PIP5K1B: variants seen among roughly 807,000 people sequenced by gnomAD.
PIP5K1B encodes the protein phosphatidylinositol 4-phosphate 5-kinase type-1 beta.
A neutral mutation model predicts 67.0 loss-of-function variants in PIP5K1B; 42 were observed. The observed-to-expected ratio is 0.63, with a 90% CI of 0.49 to 0.81. PIP5K1B has a LOEUF of 0.81. Among genes scored for constraint, PIP5K1B ranks in the 30% least tolerant of loss-of-function variants. PIP5K1B has a pLI of 0.00. For missense variants in PIP5K1B, 459 were observed against 646.3 expected (o/e 0.71, Z 3.14); for synonymous variants, 214 against 231.4 (o/e 0.92, Z 0.68).
chr9:68,839,447 G>A lies in PIP5K1B; in HGVS notation c.69+16764G>A, dbSNP rs114917097. ...TACATCTCCTTTCGAGAAAACCTGA[G>A]TTGGTTTCCCTTTGGTGCAAAGGCA... On this transcript the variant is annotated intron_variant, in intron 4 of 15. Coordinates refer to ENST00000265382, the MANE Select transcript of PIP5K1B (RefSeq NM_003558.4). 8.4e-3 allele frequency among the ~76,000 whole-genome samples: 1,279 copies of A among 152,132 alleles called. 24 individuals carry two copies. The highest frequency in any genetic ancestry group is 0.029 in the African/African-American group (1,210 of 41,508).
chr9:68,993,246 C>T (rs1297914509), intron 15 of PIP5K1B, among the ~76,000 whole-genome samples: 1 of 152,164 alleles, frequency 6.6e-6, no homozygotes, highest in Non-Finnish European at 1.5e-5. Flanking sequence ...CTCCCTCTTC[C>T]TTGCTGATGC....
chr9:68,749,208 A>G (rs944009641), intron 2 of PIP5K1B, among the ~76,000 whole-genome samples: 2 of 152,244 alleles, frequency 1.3e-5, no homozygotes, highest in Non-Finnish European at 2.9e-5. Context: ...ACCCTGTATC[A>G]TTCAGGTGGG....
chr9:68,792,508 C>G (rs1160407257), intron 2 of PIP5K1B, among the ~76,000 whole-genome samples: 4 of 152,026 alleles, frequency 2.6e-5, no homozygotes, highest in Non-Finnish European at 5.9e-5. Context: ...GAGACAGAGT[C>G]TCGCTCTGTC....
intron 2 of PIP5K1B, among the ~76,000 whole-genome samples, chr9:68,786,628 G>GTT (rs146915349): frequency 5.4e-5 from 8 of 148,742 alleles, no homozygotes; most frequent in Admixed American, 6.7e-5. Context: ...ATACCAGGAA[G>GTT]TTTTTTTTTT....
intron 5 of PIP5K1B, among the ~76,000 whole-genome samples, chr9:68,875,405 G>A (rs1270283634): frequency 6.6e-6 from 1 of 150,842 alleles, no homozygotes; most frequent in African/African-American, 2.4e-5. Context: ...TAGTTTTCAA[G>A]GGTGACCTGT....
intron 5 of PIP5K1B, among the ~76,000 whole-genome samples, chr9:68,864,386 C>T (rs1327275310): frequency 1.3e-5 from 2 of 152,186 alleles, no homozygotes; most frequent in African/African-American, 2.4e-5. Flanking sequence ...CATAATTGGG[C>T]CTCAAATCTG....
rs139683406 is a variant in PIP5K1B at position 68,807,238 on chromosome 9, T to A, written c.-85-11223T>A. 7.2e-5 allele frequency among the ~76,000 whole-genome samples: 11 copies of A among 152,314 alleles called. No homozygotes were observed. The East Asian group carries it at 2.1e-3, about 29-fold the overall frequency. ...AATACCCTCCTCATTGAAGAATAGATCTTAAGTGGTCATTTCATGACTGCT... is the reference window on the plus strand; with the variant it reads ...AATACCCTCCTCATTGAAGAATAGAACTTAAGTGGTCATTTCATGACTGCT... On this transcript the variant is annotated intron_variant, in intron 2 of 15. Coordinates refer to ENST00000265382, the MANE Select transcript of PIP5K1B (RefSeq NM_003558.4).
chr9:68,753,289 G>A (rs1829727864), intron 2 of PIP5K1B, among the ~76,000 whole-genome samples: 1 of 149,782 alleles, frequency 6.7e-6, no homozygotes, highest in African/African-American at 2.5e-5. Context: ...ATCTAGTTGT[G>A]CAAGCCCTAT....
intron 1 of PIP5K1B, among the ~76,000 whole-genome samples, chr9:68,716,430 G>A (rs1474061582): frequency 1.3e-5 from 2 of 152,154 alleles, no homozygotes; most frequent in South Asian, 2.1e-4. Flanking sequence ...GTTAGTTGGA[G>A]GCTAAAGCAT....
intron 4 of PIP5K1B, among the ~76,000 whole-genome samples, chr9:68,853,381 A>G (rs768261250): frequency 1.2e-4 from 19 of 152,154 alleles, no homozygotes; most frequent in Non-Finnish European, 1.9e-4. Flanking sequence ...GGAAATTTGG[A>G]AAGAGTTGTT....
chr9:68,881,983 C>T (rs867629568), intron 6 of PIP5K1B, among the ~76,000 whole-genome samples: 12 of 152,196 alleles, frequency 7.9e-5, no homozygotes, highest in African/African-American at 2.9e-4. Context: ...AAATTATCTC[C>T]ACCACATGGG....
intron 15 of PIP5K1B, among the ~76,000 whole-genome samples, chr9:68,993,897 T>G (rs1286755454): frequency 6.6e-6 from 1 of 152,196 alleles, no homozygotes; most frequent in East Asian, 1.9e-4. Context: ...GTTGTTGTTA[T>G]TGACCATAAA....
chr9:68,781,641 G>A (rs894424468), intron 2 of PIP5K1B: 3 of 166,666 alleles, frequency 1.8e-5, no homozygotes, highest in African/African-American at 7.3e-5. Flanking sequence ...TTCAAATTAA[G>A]TATATAAAAG....
chr9:68,916,877 T>TA (rs112889490), intron 8 of PIP5K1B, among the ~76,000 whole-genome samples: 62,854 of 141,804 alleles, frequency 0.44, 13,277 homozygotes, highest in East Asian at 0.59. Context: ...GTCTCAAAAA[T>TA]AAAAAAAAAA....
chr9:68,791,142 A>G (rs748165797), intron 2 of PIP5K1B, among the ~76,000 whole-genome samples: 2 of 152,250 alleles, frequency 1.3e-5, no homozygotes, highest in Non-Finnish European at 2.9e-5. Context: ...GTGTTGTGAA[A>G]GAATACAATT....
intron 8 of PIP5K1B, among the ~76,000 whole-genome samples, chr9:68,916,372 C>T (rs578150286): frequency 6.6e-6 from 1 of 152,328 alleles, no homozygotes; most frequent in African/African-American, 2.4e-5. Flanking sequence ...CTGAAGCCAT[C>T]TCAACAGACT....
intron 14 of PIP5K1B, among the ~76,000 whole-genome samples, chr9:68,967,988 GA>G (rs1829127762): frequency 6.6e-6 from 1 of 152,114 alleles, no homozygotes; most frequent in African/African-American, 2.4e-5. Flanking sequence ...CAGAAGAAAG[GA>G]GTGCTGAGTG....
intron 1 of PIP5K1B, among the ~76,000 whole-genome samples, chr9:68,718,551 A>G (rs900901864): frequency 4.6e-5 from 7 of 152,218 alleles, no homozygotes; most frequent in African/African-American, 1.4e-4. Context: ...ACCCTTGGCT[A>G]TGCAGAACCT....
At chr9:68,982,192 T>C (rs1332219726) in intron 14 of PIP5K1B, among the ~76,000 whole-genome samples, 1 of 152,284 alleles carries the variant, frequency 6.6e-6, no homozygotes, top group African/African-American at 2.4e-5. Context: ...GTCTGAGAAA[T>C]GGTGGGCACT....
Sources: allele counts gnomAD v4.1 joint callset (sites outside exome capture counted in the v4.1 genomes callset), GRCh38; gene constraint gnomAD v4.1.1; transcripts MANE v1.5; gene names NCBI Gene and HGNC (gene_info 2026-07-23, HGNC 2026-07-21).